Variants in PRKAA2 observed in about 807,000 individuals in gnomAD.
The protein encoded by PRKAA2 is protein kinase AMP-activated catalytic subunit alpha 2, also known as 5'-AMP-activated protein kinase catalytic subunit alpha-2.
A neutral mutation model predicts 56.3 loss-of-function variants in PRKAA2; 40 were observed. That is an observed-to-expected ratio of 0.71 (90% CI 0.55 to 0.92). The LOEUF is 0.92. Ranked by LOEUF, PRKAA2 falls within the 40% of genes least tolerant of loss-of-function variation. The probability of loss-of-function intolerance (pLI) is 0.00; values close to 1 mark genes in which losing one functional copy is unlikely to be tolerated. For synonymous variants in PRKAA2, 214 were observed against 234.2 expected (o/e 0.91, Z 0.79); for missense variants, 542 against 686.9 (o/e 0.79, Z 2.36).
At chr1:56,655,299 A>C (rs1216909321) in intron 1 of PRKAA2, among the ~76,000 whole-genome samples, 1 of 41,732 alleles carries the variant, frequency 2.4e-5, no homozygotes, top group Admixed American at 3.0e-4. Context: ...TTTTTTTTGT[A>C]GAGACAGGGT....
rs991680488 is a variant in PRKAA2 at position 56,707,645 on chromosome 1, C to T, written c.1591C>T (p.Arg531Cys). 22 of 1,613,938 alleles carry T rather than the reference C, an allele frequency of 1.4e-5. No individual in the cohort carries two copies. The highest frequency in any genetic ancestry group is 5.3e-5 in the African/African-American group (4 of 74,898). ...AAGCACATTGTCTTCAGTTTCACCTCGCCTGGGCAGTCACACCATGGATTT... is the reference window on the plus strand; with the variant it reads ...AAGCACATTGTCTTCAGTTTCACCTTGCCTGGGCAGTCACACCATGGATTT... ...TGSTLSSVSP[R>C]LGSHTMDFFE... Residue 531 changes from arginine to cysteine, a missense_variant, in exon 9 of 9, where the codon CGC becomes TGC. Arg to Cys is a radical substitution (Grantham distance 180). This residue lies in a region of PRKAA2 where 158 missense variants were observed against 166.1 expected (regional missense o/e 0.95). Coordinates refer to ENST00000371244, the MANE Select transcript of PRKAA2 (RefSeq NM_006252.4).
intron 1 of PRKAA2, among the ~76,000 whole-genome samples, chr1:56,662,895 A>G (rs1644006202): frequency 6.6e-6 from 1 of 152,158 alleles, no homozygotes; most frequent in South Asian, 2.1e-4. Flanking sequence ...GAGCATTGTC[A>G]TGGTGGAGAA....
chr1:56,654,800 T>C (rs1042476550), intron 1 of PRKAA2, among the ~76,000 whole-genome samples: 2 of 152,172 alleles, frequency 1.3e-5, no homozygotes, highest in African/African-American at 4.8e-5. Flanking sequence ...TGGTGTCTTA[T>C]GTTTGGCAGT....
chr1:56,671,115 TA>T (rs1487790576), intron 1 of PRKAA2, among the ~76,000 whole-genome samples: 3 of 152,352 alleles, frequency 2.0e-5, no homozygotes, highest in African/African-American at 7.2e-5. Flanking sequence ...CAAAAGTTTA[TA>T]TCTGTAATAT....
intron 2 of PRKAA2, among the ~76,000 whole-genome samples, chr1:56,688,552 G>C (rs1371362152): frequency 2.0e-5 from 3 of 152,120 alleles, no homozygotes; most frequent in Non-Finnish European, 2.9e-5. Flanking sequence ...GATGATTAGG[G>C]CTCACTCAGG....
At chr1:56,690,470 A>G (rs963548435) in intron 2 of PRKAA2, among the ~76,000 whole-genome samples, 5 of 152,296 alleles carry the variant, frequency 3.3e-5, no homozygotes, top group East Asian at 3.9e-4. Context: ...CGCCCGGCCT[A>G]TCACATCTTA....
At position 56,712,298 on chromosome 1, in the gene PRKAA2, T is replaced by A. The variant is rs982894814; in HGVS notation, c.*4585T>A. On this transcript the variant is annotated 3_prime_UTR_variant, in exon 9 of 9. Coordinates refer to ENST00000371244, the MANE Select transcript of PRKAA2 (RefSeq NM_006252.4). ...CTGAATTAATAAAACATCAGAGTGG[T>A]TGAGTAGTAAAAATAAACACAGATG... 6.6e-6 allele frequency: 1 copy of A among 152,108 alleles called. No homozygotes were observed. Among genetic ancestry groups the A allele is most frequent in the Non-Finnish European group, 1.5e-5 (1 of 68,024 alleles). 9.4% of individuals were successfully genotyped at this position (152,108 alleles called of 1,614,324 possible).
At chr1:56,674,576 T>G in intron 2 of PRKAA2, 54 bp downstream of exon 2, 2 of 1,316,018 alleles carry the variant, frequency 1.5e-6, no homozygotes, top group Non-Finnish European at 2.0e-6. Flanking sequence ...TAAAATGTTT[T>G]TTAGGAATTT....
At chr1:56,693,727 A>G in intron 4 of PRKAA2, 38 bp from the exon 5 acceptor site, 1 of 1,409,796 alleles carries the variant, frequency 7.1e-7, no homozygotes, top group African/African-American at 1.4e-5. Context: ...TACTTTTAAA[A>G]ATATCTAGCA....
rs902805601 is a variant in PRKAA2 at position 56,712,812 on chromosome 1, A to T, written c.*5099A>T. 6.6e-6 allele frequency: 1 copy of T among 152,080 alleles called. No individual in the cohort carries two copies. The highest frequency in any genetic ancestry group is 2.4e-5 in the African/African-American group (1 of 41,406). The allele number at this position is 152,080 out of a possible 1,614,324, so 9.4% of individuals were successfully genotyped here. ...GATTGCAATAAGCCAAGATCATGCC[A>T]CTGCATGCCAGCCTGGGTGACAGCA... On this transcript the variant is annotated 3_prime_UTR_variant, in exon 9 of 9. Coordinates refer to ENST00000371244, the MANE Select transcript of PRKAA2 (RefSeq NM_006252.4).
intron 1 of PRKAA2, among the ~76,000 whole-genome samples, chr1:56,667,848 T>A (rs1644046852): frequency 6.6e-6 from 1 of 152,186 alleles, no homozygotes; most frequent in Admixed American, 6.5e-5. Flanking sequence ...CCCTGAAGGA[T>A]GATGTCCATT....
intron 2 of PRKAA2, 65 bp downstream of exon 2, chr1:56,674,587 T>G: frequency 4.7e-6 from 6 of 1,282,866 alleles, no homozygotes; most frequent in Non-Finnish European, 6.3e-6. Flanking sequence ...TTAGGAATTT[T>G]ATAATAATTG....
At position 56,711,087 on chromosome 1, in the gene PRKAA2, A is replaced by G. The variant is rs1350653183; in HGVS notation, c.*3374A>G. Reference sequence around the variant, plus strand: ...GTGTTTACATTCCTTTATACTAGCTATCTATAAAGAGAATCCAGAAGGCTA... The same window carrying G: ...GTGTTTACATTCCTTTATACTAGCTGTCTATAAAGAGAATCCAGAAGGCTA... On this transcript the variant is annotated 3_prime_UTR_variant, in exon 9 of 9. Coordinates refer to ENST00000371244, the MANE Select transcript of PRKAA2 (RefSeq NM_006252.4). 1.3e-5 allele frequency: 2 copies of G among 152,122 alleles called. No homozygotes were observed. The highest frequency in any genetic ancestry group is 1.3e-4 in the Admixed American group (2 of 15,270). 9.4% of individuals were successfully genotyped at this position (152,122 alleles called of 1,614,324 possible). A position where few individuals can be genotyped will look rare whatever the true frequency, so the allele number is the denominator to read the frequency against.
chr1:56,674,943 TAGA>T (rs1184076044), intron 2 of PRKAA2, among the ~76,000 whole-genome samples: 1 of 152,092 alleles, frequency 6.6e-6, no homozygotes. Flanking sequence ...TTTGGAAAGA[TAGA>T]AAGTATATGT....
intron 7 of PRKAA2, among the ~76,000 whole-genome samples, chr1:56,705,016 T>C (rs551704591): frequency 6.6e-6 from 1 of 152,312 alleles, no homozygotes; most frequent in East Asian, 1.9e-4. Flanking sequence ...TTTGCTTTTC[T>C]TAAAAATTAG....
At position 56,645,447 on chromosome 1, in the gene PRKAA2, C is replaced by A; in HGVS notation, c.60C>A (p.Asp20Glu). 1 of 1,514,504 alleles carries A rather than the reference C, an allele frequency of 6.6e-7. No homozygotes were observed. The highest frequency in any genetic ancestry group is 8.9e-7 in the Non-Finnish European group (1 of 1,125,640). 93.8% of individuals were successfully genotyped at this position (1,514,504 alleles called of 1,614,324 possible). ...RVKIGHYVLG[D>E]TLGVGTFGKV... Reference sequence around the variant, plus strand: ...AGATCGGACACTACGTGCTGGGCGACACGCTGGGCGTCGGCACCTTCGGCA... The same window carrying A: ...AGATCGGACACTACGTGCTGGGCGAAACGCTGGGCGTCGGCACCTTCGGCA... The change falls in exon 1 of 9, where the codon GAC (aspartate) becomes GAA (glutamate). Residue 20 changes from aspartate to glutamate, a missense_variant. By Grantham distance (45) the Asp-to-Glu change is conservative. This residue lies in a region of PRKAA2 where 59 missense variants were observed against 53.9 expected (regional missense o/e 1.09). Coordinates refer to ENST00000371244, the MANE Select transcript of PRKAA2 (RefSeq NM_006252.4).
intron 6 of PRKAA2, among the ~76,000 whole-genome samples, chr1:56,702,271 C>T (rs565512492): frequency 5.9e-5 from 9 of 152,162 alleles, no homozygotes; most frequent in African/African-American, 1.7e-4. Context: ...TTAGTAGAGA[C>T]GGTGTTTCTC....
chr1:56,707,526 C>T lies in PRKAA2; in HGVS notation c.1472C>T (p.Ser491Phe). Residue 491 changes from serine to phenylalanine, a missense_variant, in exon 9 of 9, where the codon TCT becomes TTT. This residue lies in a region of PRKAA2 where 158 missense variants were observed against 166.1 expected (regional missense o/e 0.95). Coordinates refer to ENST00000371244, the MANE Select transcript of PRKAA2 (RefSeq NM_006252.4). ...TCCTCAACACCTCAGCGTTCCTGTT[C>T]TGCTGCTGGCTTACACAGACCAAGA... ...SGSSTPQRSC[S>F]AAGLHRPRSS... 6.2e-7 allele frequency: 1 copy of T among 1,614,166 alleles called. No individual in the cohort carries two copies. Among genetic ancestry groups the T allele is most frequent in the Middle Eastern group, 1.7e-4 (1 of 6,060 alleles).
chr1:56,677,800 G>T (rs1409321711), intron 2 of PRKAA2, among the ~76,000 whole-genome samples: 1 of 151,944 alleles, frequency 6.6e-6, no homozygotes, highest in Non-Finnish European at 1.5e-5. Context: ...GAGACTACAG[G>T]CATGTGCCAC....
Sources: allele counts gnomAD v4.1 joint callset (sites outside exome capture counted in the v4.1 genomes callset), GRCh38; gene constraint gnomAD v4.1.1; regional missense constraint gnomAD v4.1.1; transcripts MANE v1.5; gene names NCBI Gene and HGNC (gene_info 2026-07-23, HGNC 2026-07-21).